The following TEX48 variants were observed in gnomAD, a reference collection of about 807,000 sequenced individuals.
The protein encoded by TEX48 is testis-expressed protein 48.
TEX48 carries 10 observed loss-of-function variants against 13.2 expected under a neutral mutation model. That is an observed-to-expected ratio of 0.75 (90% CI 0.47 to 1.28). The LOEUF is 1.28. Ranked by LOEUF, TEX48 falls within the 50% of genes most tolerant of loss-of-function variation. TEX48 has a pLI of 0.00. For synonymous variants in TEX48, 45 were observed against 52.3 expected (o/e 0.86, Z 0.60); for missense variants, 116 against 139.4 (o/e 0.83, Z 0.84).
chr9:114,668,364 C>A lies in TEX48; in HGVS notation c.128-27G>T, dbSNP rs1054629575. On this transcript the variant is annotated intron_variant, in intron 3 of 4. Transcript: ENST00000436752. Reference sequence around the variant, plus strand: ...TGGCAATGAGAATTCCACAGGGTCACGTGGGGGAGGCTTAGGTGAGATCAC... The same window carrying A: ...TGGCAATGAGAATTCCACAGGGTCAAGTGGGGGAGGCTTAGGTGAGATCAC... 3 of 1,532,378 alleles carry A rather than the reference C, an allele frequency of 2.0e-6. No individual in the cohort carries two copies. The African/African-American group carries it at 4.1e-5, about 21-fold the overall frequency. 94.9% of individuals were successfully genotyped at this position (1,532,378 alleles called of 1,614,324 possible).
At chr9:114,674,607 TTCC>T (rs1395637114) in intron 1 of TEX48, among the ~76,000 whole-genome samples, 8 of 10,038 alleles carry the variant, frequency 8.0e-4, no homozygotes, top group Non-Finnish European at 1.5e-3. Flanking sequence ...TTTTCTTTCC[TTCC>T]TTCCTTCCTT....
At chr9:114,681,319 T>A (rs1589381769) in intron 1 of TEX48, among the ~76,000 whole-genome samples, 2 of 152,254 alleles carry the variant, frequency 1.3e-5, no homozygotes, top group African/African-American at 4.8e-5. Context: ...CTCCTCTAAG[T>A]GTTGACAGCA....
intron 1 of TEX48, among the ~76,000 whole-genome samples, chr9:114,677,100 G>A (rs1340425582): frequency 6.6e-6 from 1 of 152,202 alleles, no homozygotes; most frequent in African/African-American, 2.4e-5. Context: ...TGTTCCTTGT[G>A]GTTAGATACG....
intron 1 of TEX48, among the ~76,000 whole-genome samples, chr9:114,674,056 T>C (rs1257685964): frequency 2.0e-5 from 3 of 152,142 alleles, no homozygotes; most frequent in East Asian, 1.9e-4. Flanking sequence ...TCCTCCCACA[T>C]TGGCCTCAAA....
rs1384060029 is a variant in TEX48, at chr9:114,680,120, CCTTTT to C, written c.-105+1910_-105+1914del. 4.4e-3 allele frequency among the ~76,000 whole-genome samples: 229 copies of C among 52,114 alleles called. 1 individual carries two copies. The highest frequency in any genetic ancestry group is 6.5e-3 in the Middle Eastern group (1 of 154). 34.2% of individuals were successfully genotyped at this position (52,114 alleles called of 152,430 possible). A position where few individuals can be genotyped will look rare whatever the true frequency, so the allele number is the denominator to read the frequency against. ...GAAAATACTTTTAATTGTCATTGTC[CCTTTT>C]TTTTTTTTTTTTTTTTTTTGAGATG... On this transcript the variant is annotated intron_variant, in intron 1 of 4. Coordinates refer to ENST00000436752, the MANE Select transcript of TEX48 (RefSeq NM_001199233.2).
At chr9:114,670,648 C>T (rs1827930703) in intron 3 of TEX48, among the ~76,000 whole-genome samples, 1 of 152,088 alleles carries the variant, frequency 6.6e-6, no homozygotes, top group African/African-American at 2.4e-5. Context: ...CCTAGGAAGT[C>T]TCATATTCCA....
In TEX48 at chr9:114,668,129, A is replaced by C. The variant is rs79108356; in HGVS notation, c.259+77T>G. 10 of 1,513,066 alleles carry C rather than the reference A, an allele frequency of 6.6e-6. No individual in the cohort carries two copies. In the Admixed American group the frequency reaches 1.8e-4, roughly 27 times the overall value. 93.7% of individuals were successfully genotyped at this position (1,513,066 alleles called of 1,614,324 possible). On this transcript the variant is annotated intron_variant, in intron 4 of 4. Coordinates refer to ENST00000436752, the MANE Select transcript of TEX48 (RefSeq NM_001199233.2). ...CCCATCTCGCTTAGCTGAAGTATCA[A>C]TGGGGTCTGGTTATTAGGACCAGGC...
Position 114,671,417 on chromosome 9 carries a change from G to A in TEX48, c.93C>T (p.Pro31=). 1 of 1,535,442 alleles carries A rather than the reference G, an allele frequency of 6.5e-7. No individual in the cohort carries two copies. Among genetic ancestry groups the A allele is most frequent in the South Asian group, 1.2e-5 (1 of 84,006 alleles). The change falls in exon 3 of 5, where the codon CCC becomes CCT. Residue 31 remains proline (P), a synonymous_variant. Transcript: ENST00000436752. ...ATGGCTTGTGCTCCTGGGTTTGACT[G>A]GGAACCTTGGAGTCATTGATGGCAT... ...EPYAINDSKV[P]SQTQEHKPST...
At position 114,666,739 on chromosome 9, in the gene TEX48, A is replaced by G. The variant is rs16930732; in HGVS notation, c.267T>C (p.Asn89=). 0.046 allele frequency: 69,391 copies of G among 1,518,368 alleles called. 2,293 individuals carry two copies. Among genetic ancestry groups the G allele is most frequent in the East Asian group, 0.13 (5,167 of 40,786 alleles). 94.1% of individuals were successfully genotyped at this position (1,518,368 alleles called of 1,614,324 possible). Residue 89 remains asparagine (N), a synonymous_variant, in exon 5 of 5, where the codon AAT becomes AAC. Coordinates refer to ENST00000436752, the MANE Select transcript of TEX48 (RefSeq NM_001199233.2). The stretch of plus-strand genomic sequence containing the variant: ...AAAAATTTCTTTGGGAAGCATATGC[A>G]TTCAGATCTGAAAGAAGAAAGGAAA... ...SSSSSEFEDL[N]AYASQRNFYK... is the part of the protein sequence containing the mutation.
In TEX48 at chr9:114,668,259, G is replaced by A. The variant is rs1423150644; in HGVS notation, c.206C>T (p.Thr69Ile). The stretch of plus-strand genomic sequence containing the variant: ...GCTCTTTTTTGTCTGGATCAGGGGT[G>A]TTCTCGAAGGCAAATGGGAGACTGC... ...INAVSHLPSR[T>I]PLIQTKKSTS... is the part of the protein sequence containing the mutation. The change falls in exon 4 of 5, where the codon ACA becomes ATA. Residue 69 changes from threonine (T) to isoleucine (I), a missense_variant. Thr to Ile is a moderately conservative substitution (Grantham distance 89). Transcript: ENST00000436752. The A allele has an allele frequency of 7.8e-6, 12 of 1,535,516 alleles. No individual in the cohort carries two copies. In the South Asian group the frequency reaches 1.3e-4, roughly 17 times the overall value.
chr9:114,680,407 G>A lies in TEX48; in HGVS notation c.-105+1628C>T, dbSNP rs111549034. On this transcript the variant is annotated intron_variant, in intron 1 of 4. Transcript: ENST00000436752. ...CTCCCAACGTGCTGGGATTACAGGC[G>A]TGAGCCACTGTGCCTGGCCTTAATT... Among the ~76,000 whole-genome samples, 367 of 152,256 alleles carry A rather than the reference G, an allele frequency of 2.4e-3. 1 individual carries two copies. The highest frequency in any genetic ancestry group is 8.4e-3 in the African/African-American group (348 of 41,554).
intron 1 of TEX48, among the ~76,000 whole-genome samples, chr9:114,680,673 A>G (rs1347122353): frequency 1.3e-5 from 2 of 152,194 alleles, no homozygotes; most frequent in Non-Finnish European, 2.9e-5. Context: ...CTGCACCTTT[A>G]GTTGAGGGAG....
intron 1 of TEX48, among the ~76,000 whole-genome samples, chr9:114,681,510 A>G (rs1327511070): frequency 1.3e-5 from 2 of 152,226 alleles, no homozygotes; most frequent in Non-Finnish European, 2.9e-5. Context: ...GGGGATGAGA[A>G]TAATAGTATC....
At chr9:114,667,773 C>G (rs4979449) in intron 4 of TEX48, among the ~76,000 whole-genome samples, 60,636 of 151,546 alleles carry the variant, frequency 0.4, 12,252 homozygotes, top group Admixed American at 0.46. Flanking sequence ...TTGGTGGGCG[C>G]CTGTAATCTC....
chr9:114,677,292 ATT>A (rs35962652), intron 1 of TEX48, among the ~76,000 whole-genome samples: 13 of 149,166 alleles, frequency 8.7e-5, no homozygotes, highest in South Asian at 8.5e-4. Context: ...GTGTCATGGG[ATT>A]TTTTTTTTTT....
In TEX48 at chr9:114,666,689, C is replaced by A; in HGVS notation, c.317G>T (p.Cys106Phe). ...NFYKRNLNRY[C>F]QEHWPFQPCL... ...TGGCTGGAATGGCCAGTGCTCCTGG[C>A]AGTAGCGGTTTAAGTTTCTCTTGTA... Residue 106 changes from cysteine (C) to phenylalanine (F), a missense_variant, in exon 5 of 5, where the codon TGC (cysteine) becomes TTC (phenylalanine). By Grantham distance (205) the Cys-to-Phe change is radical. Transcript: ENST00000436752. The A allele has an allele frequency of 1.3e-6, 2 of 1,535,338 alleles. No individual in the cohort carries two copies. Among genetic ancestry groups the A allele is most frequent in the Non-Finnish European group, 1.7e-6 (2 of 1,146,678 alleles).
intron 1 of TEX48, among the ~76,000 whole-genome samples, chr9:114,680,150 G>A: frequency 1.1e-5 from 1 of 94,454 alleles, no homozygotes; most frequent in African/African-American, 3.9e-5. Flanking sequence ...TTTTTGAGAT[G>A]GAGTTTTGCT....
At chr9:114,668,635 T>C (rs1044590298) in intron 3 of TEX48, among the ~76,000 whole-genome samples, 1 of 152,242 alleles carries the variant, frequency 6.6e-6, no homozygotes, top group Non-Finnish European at 1.5e-5. Flanking sequence ...AAGTATGTAT[T>C]CTTTTTAAAA....
intron 3 of TEX48, among the ~76,000 whole-genome samples, chr9:114,669,736 C>G (rs960277792): frequency 4.6e-5 from 7 of 151,944 alleles, no homozygotes; most frequent in Non-Finnish European, 1.0e-4. Flanking sequence ...CCACCATGCC[C>G]AGTCTGGCTA....
Sources: gnomAD v4.1 joint callset for allele counts (sites outside exome capture counted in the v4.1 genomes callset) on GRCh38, gnomAD v4.1.1 for gene constraint, MANE v1.5 for transcripts, NCBI Gene and HGNC (gene_info 2026-07-23, HGNC 2026-07-21) for gene names.